The following ZNF835 variants were observed in gnomAD, a reference collection of about 807,000 sequenced individuals.
ZNF835 encodes zinc finger protein 835.
For synonymous variants in ZNF835, 323 were observed against 324.7 expected, an observed-to-expected ratio of 0.99 and a Z score of 0.06; for missense variants, 783 against 758.4, an observed-to-expected ratio of 1.03 and a Z score of -0.38.
intron 1 of ZNF835, among the ~76,000 whole-genome samples, chr19:56,667,786 T>C (rs1214970973): frequency 6.6e-6 from 1 of 152,058 alleles, no homozygotes; most frequent in Non-Finnish European, 1.5e-5. Context: ...AGGCGTTGGA[T>C]TCCTGCCCTT....
chr19:56,667,703 A>T (rs1020954364), intron 1 of ZNF835, among the ~76,000 whole-genome samples: 1 of 152,166 alleles, frequency 6.6e-6, no homozygotes, highest in Non-Finnish European at 1.5e-5. Flanking sequence ...CCTGTGTGAG[A>T]TCCTAACCCT....
At chr19:56,668,899 G>A (rs1189867529) in intron 1 of ZNF835, among the ~76,000 whole-genome samples, 5 of 152,066 alleles carry the variant, frequency 3.3e-5, no homozygotes, top group East Asian at 1.9e-4. Flanking sequence ...TACCCACCTC[G>A]TGTGTAGGGG....
chr19:56,665,306 T>C, intron 1 of ZNF835, 61 bp from the exon 2 acceptor site: 2 of 1,454,588 alleles, frequency 1.4e-6, no homozygotes, highest in East Asian at 2.3e-5. Flanking sequence ...GCTGGAAAAA[T>C]GGCTAACAGC....
rs2148061317 is a variant in ZNF835, at chr19:56,671,679, C to T, written c.-151G>A. 1 of 152,356 alleles carries T rather than the reference C, an allele frequency of 6.6e-6. No homozygotes were observed. Among genetic ancestry groups the T allele is most frequent in the East Asian group, 1.9e-4 (1 of 5,174 alleles). The allele number at this position is 152,356 out of a possible 1,614,324, so 9.4% of individuals were successfully genotyped here. A position where few individuals can be genotyped will look rare whatever the true frequency, so the allele number is the denominator to read the frequency against. On this transcript the variant is annotated 5_prime_UTR_variant, in exon 1 of 2. Coordinates refer to ENST00000537055, the MANE Select transcript of ZNF835 (RefSeq NM_001005850.3). ...TACTCAGTCTCGGGTCCTCCTGGGCCAACGCAGACCCTGGTGCCTCCTTCC... is the reference window on the plus strand; with the variant it reads ...TACTCAGTCTCGGGTCCTCCTGGGCTAACGCAGACCCTGGTGCCTCCTTCC...
rs1176977222 is a variant in ZNF835 at position 56,664,649 on chromosome 19, G to A, written c.550C>T (p.His184Tyr). Reference protein sequence around the residue: ...AFSQGSYLASHWRTHTGEKPH... With the variant: ...AFSQGSYLASYWRTHTGEKPH... ...TTCTCGCCCGTGTGCGTGCGCCAGT[G>A]GGACGCCAGGTACGAGCCCTGGCTG... Residue 184 changes from histidine to tyrosine, a missense_variant, in exon 2 of 2, where the codon CAC (histidine) becomes TAC (tyrosine). By Grantham distance (83) the His-to-Tyr change is moderately conservative. Coordinates refer to ENST00000537055, the MANE Select transcript of ZNF835 (RefSeq NM_001005850.3). The A allele has an allele frequency of 3.7e-6, 6 of 1,609,074 alleles. No homozygotes were observed. Among genetic ancestry groups the A allele is most frequent in the Non-Finnish European group, 4.2e-6 (5 of 1,177,770 alleles).
chr19:56,663,731 T>A lies in ZNF835; in HGVS notation c.1468A>T (p.Ile490Phe). 1 of 1,614,012 alleles carries A rather than the reference T, an allele frequency of 6.2e-7. No individual in the cohort carries two copies. The highest frequency in any genetic ancestry group is 8.5e-7 in the Non-Finnish European group (1 of 1,179,906). Reference sequence around the variant, plus strand: ...TCTGCATGCGTCCTCTGGTGTCGGATGAGCGCGGAGGAGAAGCTGAAGGCC... The same window carrying A: ...TCTGCATGCGTCCTCTGGTGTCGGAAGAGCGCGGAGGAGAAGCTGAAGGCC... ...GKAFSFSSALIRHQRTHADSS... is the reference protein window; with the variant it reads ...GKAFSFSSALFRHQRTHADSS... Residue 490 changes from isoleucine (I) to phenylalanine (F), a missense_variant, in exon 2 of 2, where the codon ATC becomes TTC. Ile to Phe is a conservative substitution (Grantham distance 21). Coordinates refer to ENST00000537055, the MANE Select transcript of ZNF835 (RefSeq NM_001005850.3).
Position 56,665,238 on chromosome 19 carries a change from C to G in ZNF835, c.-40G>C. ...CTGCTGTCTTGATCTCACATCTTTT[C>G]TCTGGGTCTGAAAAGAAAAAGATAG... On this transcript the variant is annotated 5_prime_UTR_variant, in exon 2 of 2. Coordinates refer to ENST00000537055, the MANE Select transcript of ZNF835 (RefSeq NM_001005850.3). 1 of 1,608,966 alleles carries G rather than the reference C, an allele frequency of 6.2e-7. No individual in the cohort carries two copies. The highest frequency in any genetic ancestry group is 8.5e-7 in the Non-Finnish European group (1 of 1,178,658).
At chr19:56,666,731 A>T (rs1568525470) in intron 1 of ZNF835, among the ~76,000 whole-genome samples, 1 of 152,180 alleles carries the variant, frequency 6.6e-6, no homozygotes, top group Non-Finnish European at 1.5e-5. Context: ...GAGGATGATT[A>T]GGTCATGAGG....
Position 56,664,363 on chromosome 19 carries a change from C to T in ZNF835, c.836G>A (p.Arg279His), listed in dbSNP as rs1473726682. Residue 279 changes from arginine (R) to histidine (H), a missense_variant, in exon 2 of 2, where the codon CGC becomes CAC. By Grantham distance (29) the Arg-to-His change is conservative (BLOSUM62 0). Coordinates refer to ENST00000537055, the MANE Select transcript of ZNF835 (RefSeq NM_001005850.3). ...QRIHTEEKPY[R>H]CGQCAKAFAQ... is the part of the protein sequence containing the mutation. ...GAAGGCCTTGGCGCACTGGCCGCAG[C>T]GGTAGGGCTTCTCCTCCGTGTGGAT... The T allele has an allele frequency of 2.5e-6, 4 of 1,603,650 alleles. No homozygotes were observed. Among genetic ancestry groups the T allele is most frequent in the African/African-American group, 1.4e-5 (1 of 72,818 alleles).
rs569114176 is a variant in ZNF835, at chr19:56,663,865, G to A, written c.1334C>T (p.Pro445Leu). The A allele has an allele frequency of 2.5e-6, 4 of 1,613,346 alleles. No individual in the cohort carries two copies. The African/African-American group carries it at 5.3e-5, about 22-fold the overall frequency. Reference protein sequence around the residue: ...LHQRTHTGERPYTCPECGKAF... With the variant: ...LHQRTHTGERLYTCPECGKAF... ...CTTGCCGCACTCGGGGCAGGTGTAG[G>A]GCCGCTCGCCCGTGTGCGTGCGCTG... Residue 445 changes from proline (P) to leucine (L), a missense_variant, in exon 2 of 2, where the codon CCC (proline) becomes CTC (leucine). Pro to Leu is a moderately conservative substitution (Grantham distance 98). Transcript: ENST00000537055.
chr19:56,670,583 G>C (rs1349043328), intron 1 of ZNF835, among the ~76,000 whole-genome samples: 3 of 152,158 alleles, frequency 2.0e-5, no homozygotes, highest in Non-Finnish European at 4.4e-5. Context: ...GGTGCACAGA[G>C]ACGCACAAGG....
intron 1 of ZNF835, among the ~76,000 whole-genome samples, chr19:56,668,777 T>G: frequency 6.8e-5 from 10 of 146,208 alleles, no homozygotes; most frequent in South Asian, 2.2e-4. Flanking sequence ...TAGAGTGGGG[T>G]GGGGGTCAGC....
Position 56,664,234 on chromosome 19 carries a change from G to C in ZNF835, c.965C>G (p.Ala322Gly), listed in dbSNP as rs1568523533. The C allele has an allele frequency of 1.3e-6, 2 of 1,596,640 alleles. No individual in the cohort carries two copies. Among genetic ancestry groups the C allele is most frequent in the Non-Finnish European group, 1.7e-6 (2 of 1,172,452 alleles). The change falls in exon 2 of 2, where the codon GCC becomes GGC. Residue 322 changes from alanine to glycine, a missense_variant. Physicochemically the swap from Ala to Gly is moderately conservative, Grantham distance 60 (BLOSUM62 0). Transcript: ENST00000537055. Reference protein sequence around the residue: ...GALFSQSASLAEHRRIHTGEK... With the variant: ...GALFSQSASLGEHRRIHTGEK... ...GCCTGTGTGGATGCGCCGGTGCTCG[G>C]CCAGAGAGGCGCTCTGGCTGAAGAG...
Position 56,671,634 on chromosome 19 carries a change from G to A in ZNF835, c.-106C>T, listed in dbSNP as rs913047922. ...GCGCTGGCCGGCCCCCTCCTAGCCT[G>A]GTGCAGTCGGCTCCGCTTCTACTCA... On this transcript the variant is annotated 5_prime_UTR_variant, in exon 1 of 2. Transcript: ENST00000537055. The A allele has an allele frequency of 3.9e-5, 6 of 152,422 alleles. No individual in the cohort carries two copies. Among genetic ancestry groups the A allele is most frequent in the African/African-American group, 1.4e-4 (6 of 41,440 alleles). 9.4% of individuals were successfully genotyped at this position (152,422 alleles called of 1,614,324 possible).
At chr19:56,666,121 T>TG (rs1405718019) in intron 1 of ZNF835, among the ~76,000 whole-genome samples, 4 of 151,602 alleles carry the variant, frequency 2.6e-5, no homozygotes, top group African/African-American at 9.8e-5. Flanking sequence ...GGGACTGTTT[T>TG]ATTTTTTTTT....
At chr19:56,666,804 C>T (rs1355233554) in intron 1 of ZNF835, among the ~76,000 whole-genome samples, 4 of 152,284 alleles carry the variant, frequency 2.6e-5, no homozygotes, top group African/African-American at 9.6e-5. Context: ...CACTTACTCT[C>T]TGCTCTCTCT....
chr19:56,666,235 T>C (rs571547751), intron 1 of ZNF835, among the ~76,000 whole-genome samples: 15 of 152,068 alleles, frequency 9.9e-5, no homozygotes, highest in Admixed American at 2.6e-4. Context: ...GCCTCCTGAG[T>C]AGTTGGGACT....
At position 56,664,376 on chromosome 19, in the gene ZNF835, C is replaced by T. The variant is rs761562990; in HGVS notation, c.823G>A (p.Glu275Lys). Residue 275 changes from glutamate to lysine, a missense_variant, in exon 2 of 2, where the codon GAG (glutamate) becomes AAG (lysine). Coordinates refer to ENST00000537055, the MANE Select transcript of ZNF835 (RefSeq NM_001005850.3). Reference protein sequence around the residue: ...LIRHQRIHTEEKPYRCGQCAK... With the variant: ...LIRHQRIHTEKKPYRCGQCAK... ...CACTGGCCGCAGCGGTAGGGCTTCT[C>T]CTCCGTGTGGATGCGCTGGTGGCGG... 3.1e-6 allele frequency: 5 copies of T among 1,610,162 alleles called. No homozygotes were observed. The highest frequency in any genetic ancestry group is 4.5e-5 in the East Asian group (2 of 44,726).
Position 56,664,097 on chromosome 19 carries a change from C to G in ZNF835, c.1102G>C (p.Gly368Arg), listed in dbSNP as rs999116627. 6.3e-7 allele frequency: 1 copy of G among 1,599,794 alleles called. No homozygotes were observed. Among genetic ancestry groups the G allele is most frequent in the Admixed American group, 1.7e-5 (1 of 59,544 alleles). Reference protein sequence around the residue: ...GERPYPCHDCGKRFSNRSHLL... With the variant: ...GERPYPCHDCRKRFSNRSHLL... ...TGGGAGCGGTTGCTGAAGCGCTTGC[C>G]GCAGTCGTGGCAGGGGTAAGGCCGC... is the stretch of plus-strand genomic sequence containing the variant. Residue 368 changes from glycine (G) to arginine (R), a missense_variant, in exon 2 of 2, where the codon GGC (glycine) becomes CGC (arginine). Transcript: ENST00000537055.
Sources: allele counts gnomAD v4.1 joint callset (sites outside exome capture counted in the v4.1 genomes callset), GRCh38; gene constraint gnomAD v4.1.1; transcripts MANE v1.5; gene names NCBI Gene and HGNC (gene_info 2026-07-23, HGNC 2026-07-21).